ATP13A5: variants seen among roughly 807,000 people sequenced by gnomAD.
ATP13A5 encodes the protein ATPase 13A5.
In ATP13A5, 149 loss-of-function variants were observed where a neutral mutation model predicts 150.2. That is an observed-to-expected ratio of 0.99 (90% CI 0.87 to 1.14). The LOEUF is 1.14. ATP13A5 is among the 50% of genes most tolerant of loss of function. The pLI is 0.00. For missense variants in ATP13A5, 1,383 were observed against 1,449.3 expected, an observed-to-expected ratio of 0.95 and a Z score of 0.74; for synonymous variants, 497 against 522.2, an observed-to-expected ratio of 0.95 and a Z score of 0.66.
intron 9 of ATP13A5, among the ~76,000 whole-genome samples, chr3:193,337,007 A>G (rs1711896785): frequency 6.6e-6 from 1 of 151,968 alleles, no homozygotes; most frequent in South Asian, 2.1e-4. Flanking sequence ...GCATTTTTTC[A>G]TGTGTCTTTT....
At chr3:193,306,930 A>G (rs1316454401) in intron 22 of ATP13A5, among the ~76,000 whole-genome samples, 1 of 152,206 alleles carries the variant, frequency 6.6e-6, no homozygotes. Flanking sequence ...TTTAATCATC[A>G]GTTTCAAACT....
intron 12 of ATP13A5, among the ~76,000 whole-genome samples, chr3:193,330,028 G>GCTT (rs1457894526): frequency 6.6e-6 from 1 of 152,110 alleles, no homozygotes; most frequent in African/African-American, 2.4e-5. Flanking sequence ...CCTCAACCCA[G>GCTT]CTTCATTCTC....
chr3:193,362,035 T>C (rs1713025954), intron 5 of ATP13A5, among the ~76,000 whole-genome samples: 1 of 152,196 alleles, frequency 6.6e-6, no homozygotes, highest in African/African-American at 2.4e-5. Context: ...AATCAAAGTA[T>C]TGTCATTCTG....
At chr3:193,319,897 G>GCC (rs201012468) in intron 16 of ATP13A5, among the ~76,000 whole-genome samples, 2,213 of 152,336 alleles carry the variant, frequency 0.015, 45 homozygotes, top group Admixed American at 0.052. Context: ...TAAGGCTTCA[G>GCC]TGACAGTGTT....
intron 27 of ATP13A5, among the ~76,000 whole-genome samples, chr3:193,282,328 T>C (rs1287773171): frequency 6.6e-6 from 1 of 152,168 alleles, no homozygotes; most frequent in Non-Finnish European, 1.5e-5. Context: ...ATAAATATAA[T>C]GGGAAAGTCA....
At position 193,290,156 on chromosome 3, in the gene ATP13A5, T is replaced by C. The variant is rs1242059576; in HGVS notation, c.2849-97A>G. 31 of 1,247,436 alleles carry C rather than the reference T, an allele frequency of 2.5e-5. No individual in the cohort carries two copies. In the East Asian group the frequency reaches 8.2e-4, roughly 33 times the overall value. 77.3% of individuals were successfully genotyped at this position (1,247,436 alleles called of 1,614,324 possible). ...TATTATCTTGAGTCTGGCATTGGGATTCAGACTAAGCAAACACGAACAGAA... is the reference window on the plus strand; with the variant it reads ...TATTATCTTGAGTCTGGCATTGGGACTCAGACTAAGCAAACACGAACAGAA... On this transcript the variant is annotated intron_variant, in intron 25 of 29. Coordinates refer to ENST00000342358, the MANE Select transcript of ATP13A5 (RefSeq NM_198505.4).
intron 5 of ATP13A5, among the ~76,000 whole-genome samples, chr3:193,354,935 T>C (rs900922178): frequency 1.6e-5 from 2 of 126,496 alleles, no homozygotes; most frequent in Non-Finnish European, 3.4e-5. Context: ...ATCACAACAA[T>C]GTAACTTTTT....
chr3:193,350,775 G>A (rs992067644), intron 7 of ATP13A5, among the ~76,000 whole-genome samples: 13 of 152,088 alleles, frequency 8.5e-5, no homozygotes, highest in African/African-American at 3.1e-4. Flanking sequence ...AACTATGGCT[G>A]GCATCATTAA....
At chr3:193,366,721 T>C (rs1713254500) in intron 1 of ATP13A5, among the ~76,000 whole-genome samples, 1 of 152,086 alleles carries the variant, frequency 6.6e-6, no homozygotes. Context: ...GCAGGAAGTC[T>C]GAACACCTCC....
chr3:193,352,334 G>A (rs1712595030), intron 6 of ATP13A5, among the ~76,000 whole-genome samples: 1 of 152,314 alleles, frequency 6.6e-6, no homozygotes, highest in South Asian at 2.1e-4. Context: ...TGCTCTGATT[G>A]TAGATTATGT....
rs1045317171 is a variant in ATP13A5, at chr3:193,354,027, A to G, written c.606+100T>C. On this transcript the variant is annotated intron_variant, in intron 6 of 29. Coordinates refer to ENST00000342358, the MANE Select transcript of ATP13A5 (RefSeq NM_198505.4). ...ACAAAAAGAAGTCGCATGAAACAAG[A>G]TATCATTCACATCAAAGTATTTATG... The G allele has an allele frequency of 7.5e-6, 7 of 932,040 alleles. No individual in the cohort carries two copies. In the East Asian group the frequency reaches 1.8e-4, roughly 25 times the overall value. The allele number at this position is 932,040 out of a possible 1,614,324, so 57.7% of individuals were successfully genotyped here.
At chr3:193,347,969 T>G (rs1712411757) in intron 7 of ATP13A5, among the ~76,000 whole-genome samples, 1 of 152,182 alleles carries the variant, frequency 6.6e-6, no homozygotes, top group Non-Finnish European at 1.5e-5. Flanking sequence ...ACCATGTACA[T>G]TATGTATCTG....
intron 25 of ATP13A5, among the ~76,000 whole-genome samples, chr3:193,295,963 G>A (rs1352600928): frequency 6.6e-6 from 1 of 152,144 alleles, no homozygotes; most frequent in Non-Finnish European, 1.5e-5. Flanking sequence ...GGTTTTAAGA[G>A]AGGATATTGG....
At chr3:193,287,824 G>C (rs1270760408) in intron 26 of ATP13A5, among the ~76,000 whole-genome samples, 1 of 151,978 alleles carries the variant, frequency 6.6e-6, no homozygotes, top group South Asian at 2.1e-4. Context: ...ATTGGATCTG[G>C]GCAAAGAAAA....
At position 193,331,294 on chromosome 3, in the gene ATP13A5, A is replaced by G. The variant is rs778598785; in HGVS notation, c.1290T>C (p.Thr430=). ...YMYHGVPPKD[T]VTMALILLTV... ...TGAGGAGGATCAGGGCCATGGTCAC[A>G]GTATCTTTTGGAGGAACCTGGGAGA... Residue 430 remains threonine, a synonymous_variant, in exon 12 of 30, where the codon ACT becomes ACC. Coordinates refer to ENST00000342358, the MANE Select transcript of ATP13A5 (RefSeq NM_198505.4). 1.2e-6 allele frequency: 2 copies of G among 1,613,402 alleles called. No homozygotes were observed. Among genetic ancestry groups the G allele is most frequent in the Admixed American group, 3.3e-5 (2 of 60,000 alleles).
At chr3:193,294,792 C>T (rs760061515) in intron 25 of ATP13A5, among the ~76,000 whole-genome samples, 2 of 152,090 alleles carry the variant, frequency 1.3e-5, no homozygotes, top group Non-Finnish European at 2.9e-5. Flanking sequence ...TGCTGTACAC[C>T]TAACTTACCG....
intron 12 of ATP13A5, 49 bp from the exon 13 acceptor site, chr3:193,327,106 T>G: frequency 6.7e-7 from 1 of 1,499,074 alleles, no homozygotes; most frequent in Non-Finnish European, 9.1e-7. Context: ...AAGCTTTTAA[T>G]TATATAGTAA....
rs780987990 is a variant in ATP13A5 at position 193,351,070 on chromosome 3, T to C, written c.738A>G (p.Arg246=). Residue 246 remains arginine, a synonymous_variant, in exon 7 of 30, where the codon CGA becomes CGG. Coordinates refer to ENST00000342358, the MANE Select transcript of ATP13A5 (RefSeq NM_198505.4). ...ISIVLSVYDL[R]QQSVKLHNLV... is the part of the protein sequence containing the mutation. ...TGGCTGTGATTTCAGGTCTTACCTG[T>C]CGCAAATCATACACACTTAAGACAA... The C allele has an allele frequency of 5.6e-6, 9 of 1,613,198 alleles. No homozygotes were observed. Among genetic ancestry groups the C allele is most frequent in the Non-Finnish European group, 7.6e-6 (9 of 1,179,432 alleles).
chr3:193,275,168 A>G lies in ATP13A5; in HGVS notation c.3531T>C (p.Asp1177=). The G allele has an allele frequency of 1.2e-6, 2 of 1,614,164 alleles. No individual in the cohort carries two copies. The highest frequency in any genetic ancestry group is 1.7e-6 in the Non-Finnish European group (2 of 1,180,022). ...ATCCATTTTTGCCATCACCTGAATA[A>G]TCTGTCCTGTTTATGGGAGGCCAGG... ...DSTWPPINRT[D]YSGDGKNGFY... Residue 1177 remains aspartate, a synonymous_variant, in exon 30 of 30, where the codon GAT becomes GAC. Coordinates refer to ENST00000342358, the MANE Select transcript of ATP13A5 (RefSeq NM_198505.4).
Sources: allele counts gnomAD v4.1 joint callset (sites outside exome capture counted in the v4.1 genomes callset), GRCh38; gene constraint gnomAD v4.1.1; transcripts MANE v1.5; gene names NCBI Gene and HGNC (gene_info 2026-07-23, HGNC 2026-07-21).